SLC12A6: variants seen among roughly 807,000 people sequenced by gnomAD.
SLC12A6 encodes K-Cl cotransporter 3.
Under a neutral mutation model 135.3 loss-of-function variants are expected in SLC12A6, and 66 were observed. The observed-to-expected ratio is 0.49, with a 90% CI of 0.40 to 0.60. SLC12A6 has a LOEUF of 0.60. SLC12A6 is among the 20% of genes least tolerant of loss of function. The probability of loss-of-function intolerance (pLI) is 0.00; values close to 1 mark genes in which losing one functional copy is unlikely to be tolerated. For missense variants in SLC12A6, 1,058 were observed against 1,452.3 expected (o/e 0.73, Z 4.41); for synonymous variants, 513 against 508.8 (o/e 1.01, Z -0.11).
rs1361588316 is a variant in SLC12A6, at chr15:34,229,793, G to C, written c.*4088C>G. 1.9e-6 allele frequency: 3 copies of C among 1,611,498 alleles called. No homozygotes were observed. The highest frequency in any genetic ancestry group is 2.5e-6 in the Non-Finnish European group (3 of 1,178,698). On this transcript the variant is annotated 3_prime_UTR_variant, in exon 26 of 26. Coordinates refer to ENST00000354181, the MANE Select transcript of SLC12A6 (RefSeq NM_001365088.1). ...GGTGGAGGACTGCTTTTGTGAACATGAGAAAGCAGCGCCTGGTCCCTATGT... is the reference window on the plus strand; with the variant it reads ...GGTGGAGGACTGCTTTTGTGAACATCAGAAAGCAGCGCCTGGTCCCTATGT...
Position 34,239,128 on chromosome 15 carries a change from T to G in SLC12A6, c.2469A>C (p.Val823=), listed in dbSNP as rs1316835586. 1 of 1,613,980 alleles carries G rather than the reference T, an allele frequency of 6.2e-7. No homozygotes were observed. The highest frequency in any genetic ancestry group is 1.1e-5 in the South Asian group (1 of 91,074). ...CCACCACCAGCTGGCAGAATCCTTT[T>G]ACCTTCTCTGCCTCCATTAGGTGCT... ...TIKHLMEAEK[V]KGFCQLVVAA... Residue 823 remains valine (V), a synonymous_variant, in exon 20 of 26, where the codon GTA becomes GTC. Coordinates refer to ENST00000354181, the MANE Select transcript of SLC12A6 (RefSeq NM_001365088.1).
intron 1 of SLC12A6, 126 bp from the exon 2 acceptor site, chr15:34,336,878 C>A (rs1033447101): frequency 1.6e-6 from 1 of 613,852 alleles, no homozygotes; most frequent in East Asian, 2.7e-5. Context: ...AAGTGCATCA[C>A]CAATAGGTGA....
chr15:34,242,250 TTTAAAG>T, intron 16 of SLC12A6, 29 bp from the exon 17 acceptor site: 1 of 1,541,762 alleles, frequency 6.5e-7, no homozygotes, highest in Non-Finnish European at 9.0e-7. Flanking sequence ...AAAAGTATCT[TTTAAAG>T]TAGCTGAAAA....
chr15:34,312,543 G>A (rs959113529), intron 2 of SLC12A6, among the ~76,000 whole-genome samples: 1 of 152,136 alleles, frequency 6.6e-6, no homozygotes, highest in East Asian at 1.9e-4. Context: ...CTGAGCACAC[G>A]CTGCTGAGAA....
chr15:34,250,160 C>T, intron 13 of SLC12A6, 138 bp downstream of exon 13: 1 of 736,152 alleles, frequency 1.4e-6, no homozygotes. Flanking sequence ...CTGCCTTGGC[C>T]TCCCAAAGTG....
chr15:34,262,069 T>C (rs560932645), intron 3 of SLC12A6, among the ~76,000 whole-genome samples: 18 of 152,272 alleles, frequency 1.2e-4, no homozygotes, highest in African/African-American at 3.6e-4. Flanking sequence ...TTACATACAA[T>C]TGAAACCCAA....
chr15:34,260,505 G>A (rs1269731109), intron 4 of SLC12A6, among the ~76,000 whole-genome samples: 2 of 152,114 alleles, frequency 1.3e-5, no homozygotes, highest in South Asian at 2.1e-4. Context: ...TGATCCACCC[G>A]CCTCGGCCTC....
At chr15:34,240,562 T>C in intron 19 of SLC12A6, 99 bp downstream of exon 19, 1 of 1,059,038 alleles carries the variant, frequency 9.4e-7, no homozygotes, top group Non-Finnish European at 1.5e-6. Flanking sequence ...ACCTCCTAGA[T>C]CACTCAGGAA....
At chr15:34,264,052 C>T (rs888694015) in intron 3 of SLC12A6, among the ~76,000 whole-genome samples, 2 of 151,674 alleles carry the variant, frequency 1.3e-5, no homozygotes, top group African/African-American at 4.8e-5. Context: ...CTTTCTTGTG[C>T]CAACTGTATT....
chr15:34,263,487 ACAT>A (rs1251800810), intron 3 of SLC12A6, among the ~76,000 whole-genome samples: 6 of 151,770 alleles, frequency 4.0e-5, no homozygotes, highest in Non-Finnish European at 7.4e-5. Context: ...AAACCCTTCC[ACAT>A]TTTTTTTTAA....
chr15:34,303,859 C>T (rs1896423739), intron 2 of SLC12A6, among the ~76,000 whole-genome samples: 1 of 152,104 alleles, frequency 6.6e-6, no homozygotes, highest in Admixed American at 6.5e-5. Context: ...AACCACGAGT[C>T]AATAAATTTC....
intron 3 of SLC12A6, among the ~76,000 whole-genome samples, chr15:34,267,363 G>C (rs986200685): frequency 1.3e-5 from 2 of 152,220 alleles, no homozygotes; most frequent in Middle Eastern, 3.4e-3. Context: ...CAGACTACTA[G>C]TCTTCTAGGA....
intron 2 of SLC12A6, among the ~76,000 whole-genome samples, chr15:34,317,564 G>A (rs533592150): frequency 2.6e-5 from 4 of 151,348 alleles, no homozygotes; most frequent in African/African-American, 9.8e-5. Context: ...TTAGCCGGGC[G>A]TGGTGGCAGG....
At position 34,240,735 on chromosome 15, in the gene SLC12A6, C is replaced by T; in HGVS notation, c.2362G>A (p.Gly788Ser). The T allele has an allele frequency of 6.2e-7, 1 of 1,614,026 alleles. No individual in the cohort carries two copies. The highest frequency in any genetic ancestry group is 8.5e-7 in the Non-Finnish European group (1 of 1,179,896). The change falls in exon 19 of 26, where the codon GGT becomes AGT. Residue 788 changes from glycine (G) to serine (S), a missense_variant. Coordinates refer to ENST00000354181, the MANE Select transcript of SLC12A6 (RefSeq NM_001365088.1). ...TFASQLKAGKGLTIVGSVIVG... is the reference protein window; with the variant it reads ...TFASQLKAGKSLTIVGSVIVG... The stretch of plus-strand genomic sequence containing the variant: ...ATGACAGAGCCCACAATAGTGAGAC[C>T]TTTTCCTGCTTTGAGCTGTGAGGCA...
At chr15:34,318,755 T>C in intron 2 of SLC12A6, 2 of 1,602,184 alleles carry the variant, frequency 1.2e-6, no homozygotes, top group East Asian at 2.3e-5. Context: ...TACCTCTTCC[T>C]TGCTGTCGTT....
chr15:34,266,599 G>A (rs1276825927), intron 3 of SLC12A6, among the ~76,000 whole-genome samples: 7 of 152,068 alleles, frequency 4.6e-5, no homozygotes, highest in South Asian at 2.1e-4. Flanking sequence ...ATGCCACCAT[G>A]AAGAGCTAAT....
intron 2 of SLC12A6, among the ~76,000 whole-genome samples, chr15:34,301,238 G>A (rs1229910443): frequency 2.6e-5 from 4 of 152,062 alleles, no homozygotes; most frequent in African/African-American, 9.7e-5. Flanking sequence ...GAGCCACCAG[G>A]CCCGGCCTCA....
Sources: gnomAD v4.1 joint callset for allele counts (sites outside exome capture counted in the v4.1 genomes callset) on GRCh38, gnomAD v4.1.1 for gene constraint, MANE v1.5 for transcripts, NCBI Gene and HGNC (gene_info 2026-07-23, HGNC 2026-07-21) for gene names.